PARD3B: variants seen among roughly 807,000 people sequenced by gnomAD.
PARD3B encodes the protein partitioning defective 3 homolog B.
PARD3B carries 103 observed loss-of-function variants against 130.2 expected under a neutral mutation model. That is an observed-to-expected ratio of 0.79 (90% CI 0.67 to 0.93). The LOEUF (loss-of-function observed/expected upper bound fraction) is 0.93, where lower values mean the gene tolerates loss of function less well. PARD3B is among the 40% of genes least tolerant of loss of function. The pLI is 0.00. For missense variants in PARD3B, 1,609 were observed against 1,499.2 expected (o/e 1.07, Z -1.21); for synonymous variants, 583 against 553.2 (o/e 1.05, Z -0.76).
At chr2:204,796,069 T>G (rs1213425320) in intron 2 of PARD3B, among the ~76,000 whole-genome samples, 1 of 152,242 alleles carries the variant, frequency 6.6e-6, no homozygotes, top group South Asian at 2.1e-4. Context: ...GCATAAATTA[T>G]CAACAACTTT....
chr2:205,387,262 T>C (rs990395123), intron 18 of PARD3B, among the ~76,000 whole-genome samples: 17 of 152,226 alleles, frequency 1.1e-4, no homozygotes, highest in African/African-American at 3.9e-4. Flanking sequence ...TTACTATTCA[T>C]GAATCTTCTG....
In PARD3B at chr2:204,974,995, T is replaced by A. The variant is rs4629141; in HGVS notation, c.394+9672T>A. The stretch of plus-strand genomic sequence containing the variant: ...GACTTAAAATAAATTACTGGATGAG[T>A]CTCTTAACTTGGCTAGGATTCCAAG... On this transcript the variant is annotated intron_variant, in intron 3 of 22. Coordinates refer to ENST00000406610, the MANE Select transcript of PARD3B (RefSeq NM_001302769.2). Among the ~76,000 whole-genome samples the A allele has an allele frequency of 4.5e-3, 685 of 152,228 alleles. 15 individuals carry two copies. The highest frequency in any genetic ancestry group is 0.044 in the East Asian group (228 of 5,178).
At chr2:204,738,289 C>T (rs553829986) in intron 2 of PARD3B, among the ~76,000 whole-genome samples, 3 of 152,002 alleles carry the variant, frequency 2.0e-5, no homozygotes, top group South Asian at 2.1e-4. Context: ...TTTTACCTCC[C>T]GCATTACATA....
intron 4 of PARD3B, among the ~76,000 whole-genome samples, chr2:205,053,301 T>G (rs975553994): frequency 6.6e-6 from 1 of 151,780 alleles, no homozygotes; most frequent in Non-Finnish European, 1.5e-5. Flanking sequence ...TGATCGCCAC[T>G]GTGATGTTAG....
chr2:205,500,625 C>T (rs1270329645), intron 21 of PARD3B, among the ~76,000 whole-genome samples: 1 of 152,128 alleles, frequency 6.6e-6, no homozygotes, highest in East Asian at 1.9e-4. Flanking sequence ...GCACGATTCA[C>T]TCTCTTGTTT....
rs1324272347 is a variant in PARD3B, at chr2:205,076,786, C to T, written c.505-27640C>T. 2.0e-5 allele frequency among the ~76,000 whole-genome samples: 3 copies of T among 151,788 alleles called. No homozygotes were observed. In the East Asian group the frequency reaches 5.8e-4, roughly 29 times the overall value. On this transcript the variant is annotated intron_variant, in intron 4 of 22. Transcript: ENST00000406610. ...CAAAACCATTACCCCATTTCCCCCA[C>T]CCCCTTCCATGAAACTGGTCCCTGG...
intron 3 of PARD3B, among the ~76,000 whole-genome samples, chr2:204,998,509 T>TA (rs775107470): frequency 1.3e-3 from 37 of 29,576 alleles, no homozygotes; most frequent in East Asian, 2.9e-3. Flanking sequence ...TATGTGTATA[T>TA]ATATATGTGT....
intron 4 of PARD3B, among the ~76,000 whole-genome samples, chr2:205,101,546 C>T (rs572977656): frequency 6.6e-6 from 1 of 152,224 alleles, no homozygotes; most frequent in South Asian, 2.1e-4. Context: ...CGCCAGAGAA[C>T]AGAAAGCATA....
intron 18 of PARD3B, among the ~76,000 whole-genome samples, chr2:205,332,195 T>C (rs1191458939): frequency 6.6e-6 from 1 of 152,256 alleles, no homozygotes; most frequent in African/African-American, 2.4e-5. Flanking sequence ...TCTCCAACTT[T>C]GCTTGCCTTT....
rs370702778 is a variant in PARD3B at position 205,121,937 on chromosome 2, G to A, written c.1153G>A (p.Asp385Asn). 6.2e-7 allele frequency: 1 copy of A among 1,604,388 alleles called. No homozygotes were observed. The highest frequency in any genetic ancestry group is 1.1e-5 in the South Asian group (1 of 90,362). The part of the protein sequence containing the change: ...SNKNAKKIKI[D>N]LKKGPEGLGF... ...TAAAAATGCAAAGAAAATTAAGATT[G>A]ACCTAAAGAAAGGTAATTATTAAAT... is the stretch of plus-strand genomic sequence containing the variant. The change falls in exon 8 of 23, where the codon GAC becomes AAC. Residue 385 changes from aspartate (D) to asparagine (N), a missense_variant. Physicochemically the swap from Asp to Asn is conservative, Grantham distance 23. Coordinates refer to ENST00000406610, the MANE Select transcript of PARD3B (RefSeq NM_001302769.2). This position sits in a 1 kb window ranked among gnomAD's most constrained non-coding sequence, Gnocchi z 5.0.
At chr2:205,248,815 G>A (rs1276331976) in intron 16 of PARD3B, among the ~76,000 whole-genome samples, 3 of 151,588 alleles carry the variant, frequency 2.0e-5, no homozygotes, top group African/African-American at 7.2e-5. Flanking sequence ...CACCATGTTA[G>A]CCAGGATGGT....
chr2:205,352,169 A>G lies in PARD3B; in HGVS notation c.2631-48844A>G, dbSNP rs1166485921. Among the ~76,000 whole-genome samples the G allele has an allele frequency of 6.6e-6, 1 of 152,208 alleles. No homozygotes were observed. Among genetic ancestry groups the G allele is most frequent in the Non-Finnish European group, 1.5e-5 (1 of 68,030 alleles). ...TTAGTGCTTTTTGTAGGGTCGGCAT[A>G]TTATAGGTTTCCCTCATAATGATAA... is the stretch of plus-strand genomic sequence containing the variant. On this transcript the variant is annotated intron_variant, in intron 18 of 22. Transcript: ENST00000406610. This position sits in a 1 kb window ranked among gnomAD's most constrained non-coding sequence, Gnocchi z 5.2.
rs903907072 is a variant in PARD3B at position 205,458,247 on chromosome 2, G to A, written c.3044+17575G>A. Among the ~76,000 whole-genome samples, 1 of 151,990 alleles carries A rather than the reference G, an allele frequency of 6.6e-6. No individual in the cohort carries two copies. Among genetic ancestry groups the A allele is most frequent in the Non-Finnish European group, 1.5e-5 (1 of 67,972 alleles). ...GTCACACCTCTTCAGAATTGTTTCT[G>A]TTCCCTCCTGCTCCTCTTCCTCTCC... On this transcript the variant is annotated intron_variant, in intron 20 of 22. Transcript: ENST00000406610. This position sits in a 1 kb window ranked among gnomAD's most constrained non-coding sequence, Gnocchi z 4.8.
intron 18 of PARD3B, among the ~76,000 whole-genome samples, chr2:205,342,720 T>G (rs2105814057): frequency 6.6e-6 from 1 of 152,306 alleles, no homozygotes; most frequent in African/African-American, 2.4e-5. Context: ...ATATTAGAAC[T>G]ACTTTGACCT....
chr2:204,895,298 C>T (rs1189664901), intron 2 of PARD3B, among the ~76,000 whole-genome samples: 2 of 151,964 alleles, frequency 1.3e-5, no homozygotes, highest in Non-Finnish European at 2.9e-5. Flanking sequence ...CAATTTTAAA[C>T]CAAAAGCTTT....
chr2:204,891,440 G>A (rs1449728741), intron 2 of PARD3B, among the ~76,000 whole-genome samples: 2 of 152,096 alleles, frequency 1.3e-5, no homozygotes, highest in Non-Finnish European at 2.9e-5. Context: ...GACGGCAACC[G>A]CAGCAGATTT....
At chr2:204,807,419 A>G (rs927916115) in intron 2 of PARD3B, among the ~76,000 whole-genome samples, 1 of 152,158 alleles carries the variant, frequency 6.6e-6, no homozygotes, top group African/African-American at 2.4e-5. Context: ...TACAACCACT[A>G]CGGAGAACAC....
At chr2:204,803,264 C>T (rs185908985) in intron 2 of PARD3B, among the ~76,000 whole-genome samples, 204 of 150,276 alleles carry the variant, frequency 1.4e-3, no homozygotes, top group African/African-American at 4.2e-3. Context: ...AACACCAGAC[C>T]GGTTCTATAA....
At chr2:205,221,472 C>T (rs1451975585) in intron 15 of PARD3B, among the ~76,000 whole-genome samples, 1 of 152,172 alleles carries the variant, frequency 6.6e-6, no homozygotes, top group African/African-American at 2.4e-5. Flanking sequence ...AAAGCTAATG[C>T]TGTCTTAGGT....
Sources: allele counts gnomAD v4.1 joint callset (sites outside exome capture counted in the v4.1 genomes callset), GRCh38; gene constraint gnomAD v4.1.1; non-coding constraint Gnocchi (gnomAD v3.1); transcripts MANE v1.5; gene names NCBI Gene and HGNC (gene_info 2026-07-23, HGNC 2026-07-21).